The following CTNNA3 variants were observed in gnomAD, a reference collection of about 807,000 sequenced individuals.
The protein encoded by CTNNA3 is catenin alpha 3.
In CTNNA3, 76 loss-of-function variants were observed where a neutral mutation model predicts 95.7. The ratio of observed to expected loss-of-function variants is 0.79; its 90% CI spans 0.66 to 0.96. CTNNA3 has a LOEUF of 0.96. Among genes scored for constraint, CTNNA3 ranks in the 40% least tolerant of loss-of-function variants. The pLI is 0.00. For synonymous variants in CTNNA3, 431 were observed against 374.4 expected, an observed-to-expected ratio of 1.15 and a Z score of -1.74; for missense variants, 1,191 against 1,089.8, an observed-to-expected ratio of 1.09 and a Z score of -1.31.
At chr10:66,559,260 T>C (rs1842478988) in intron 10 of CTNNA3, among the ~76,000 whole-genome samples, 1 of 152,062 alleles carries the variant, frequency 6.6e-6, no homozygotes, top group South Asian at 2.1e-4. Flanking sequence ...TTAACACAAA[T>C]CTGGTCTTGC....
chr10:67,000,708 T>C (rs1182100851), intron 7 of CTNNA3, among the ~76,000 whole-genome samples: 2 of 152,170 alleles, frequency 1.3e-5, no homozygotes, highest in Non-Finnish European at 2.9e-5. Context: ...GAAATCTTGA[T>C]GTAAAGTCAA....
intron 7 of CTNNA3, chr10:67,015,262 T>G (rs1852587371): frequency 6.6e-6 from 1 of 152,184 alleles, no homozygotes; most frequent in African/African-American, 2.4e-5. Flanking sequence ...GCTGTTATTT[T>G]TTATCCATAG....
intron 15 of CTNNA3, among the ~76,000 whole-genome samples, chr10:66,011,124 A>G (rs1389156760): frequency 3.3e-5 from 5 of 152,124 alleles, no homozygotes; most frequent in African/African-American, 7.2e-5. Context: ...TTTGAAATGA[A>G]TGAAGTCTTA....
chr10:66,603,011 C>A (rs1843987372), intron 10 of CTNNA3, among the ~76,000 whole-genome samples: 3 of 152,050 alleles, frequency 2.0e-5, no homozygotes, highest in South Asian at 4.1e-4. Flanking sequence ...AACTCTAAGC[C>A]TTTTCACTAA....
At chr10:66,245,500 T>C (rs946635804) in intron 13 of CTNNA3, among the ~76,000 whole-genome samples, 9 of 152,106 alleles carry the variant, frequency 5.9e-5, no homozygotes, top group Non-Finnish European at 1.0e-4. Context: ...CAGGAGGAAA[T>C]GAGGTAGGCA....
intron 7 of CTNNA3, among the ~76,000 whole-genome samples, chr10:66,780,919 T>A (rs1041113540): frequency 6.6e-6 from 1 of 152,228 alleles, no homozygotes; most frequent in Non-Finnish European, 1.5e-5. Flanking sequence ...GAAAGGGCCA[T>A]GTTCTCTAAA....
At chr10:66,618,502 G>C (rs1482377736) in intron 10 of CTNNA3, among the ~76,000 whole-genome samples, 1 of 152,150 alleles carries the variant, frequency 6.6e-6, no homozygotes, top group Non-Finnish European at 1.5e-5. Flanking sequence ...AAACAGGCTA[G>C]CCATAGGTAG....
chr10:67,316,574 C>T (rs1480406623), intron 5 of CTNNA3, among the ~76,000 whole-genome samples: 1 of 152,104 alleles, frequency 6.6e-6, no homozygotes, highest in Non-Finnish European at 1.5e-5. Context: ...ACATTGATCT[C>T]ATCTCTTCAA....
intron 4 of CTNNA3, among the ~76,000 whole-genome samples, chr10:67,530,578 T>G (rs577072102): frequency 6.6e-6 from 1 of 152,354 alleles, no homozygotes; most frequent in Admixed American, 6.5e-5. Flanking sequence ...ACTTGGGTAC[T>G]GTTAAAGGCA....
chr10:67,579,764 T>C (rs1239498066), intron 3 of CTNNA3, among the ~76,000 whole-genome samples: 3 of 152,200 alleles, frequency 2.0e-5, no homozygotes, highest in East Asian at 3.9e-4. Context: ...TGTGAGATGG[T>C]ATCTCATTGT....
chr10:66,508,214 T>TG (rs1316794827), intron 11 of CTNNA3, among the ~76,000 whole-genome samples: 2 of 149,124 alleles, frequency 1.3e-5, no homozygotes, highest in African/African-American at 5.0e-5. Flanking sequence ...TTTTCTGTTT[T>TG]TTTTTTTTTT....
chr10:67,720,129 C>CTTTTTTTTTT (rs58074397), intron 1 of CTNNA3, among the ~76,000 whole-genome samples: 95 of 6,610 alleles, frequency 0.014, 40 homozygotes, highest in African/African-American at 0.048. Flanking sequence ...GCAACCCCTG[C>CTTTTTTTTTT]TTTTTTTTTT....
intron 7 of CTNNA3, among the ~76,000 whole-genome samples, chr10:67,075,119 A>G (rs1431722369): frequency 6.6e-6 from 1 of 151,886 alleles, no homozygotes; most frequent in Non-Finnish European, 1.5e-5. Flanking sequence ...ACTAAGGCTC[A>G]GAGAAGAGGG....
At chr10:66,358,590 G>A (rs573986441) in intron 12 of CTNNA3, among the ~76,000 whole-genome samples, 78 of 152,230 alleles carry the variant, frequency 5.1e-4, no homozygotes, top group African/African-American at 1.8e-3. Context: ...CACATAAACT[G>A]CCTGACCTAG....
chr10:66,030,019 A>C (rs1045420711), intron 15 of CTNNA3, among the ~76,000 whole-genome samples: 6 of 152,038 alleles, frequency 3.9e-5, no homozygotes, highest in Non-Finnish European at 8.8e-5. Context: ...CTATACAAGG[A>C]GGTGAAAGAT....
At chr10:67,189,204 G>A (rs1336608641) in intron 6 of CTNNA3, among the ~76,000 whole-genome samples, 1 of 151,522 alleles carries the variant, frequency 6.6e-6, no homozygotes, top group African/African-American at 2.4e-5. Context: ...AAGACATTAT[G>A]TTATGTGAAA....
intron 3 of CTNNA3, among the ~76,000 whole-genome samples, chr10:67,574,283 AT>A (rs1842071344): frequency 6.6e-6 from 1 of 152,108 alleles, no homozygotes; most frequent in African/African-American, 2.4e-5. Context: ...TGATTGATTT[AT>A]TTAAGGAATT....
intron 11 of CTNNA3, among the ~76,000 whole-genome samples, chr10:66,401,658 C>CTTTTTTTT (rs540003137): frequency 8.6e-6 from 1 of 116,302 alleles, no homozygotes; most frequent in African/African-American, 3.3e-5. Flanking sequence ...CCATTTCTTT[C>CTTTTTTTT]TTTTTTTTTT....
intron 5 of CTNNA3, among the ~76,000 whole-genome samples, chr10:67,419,760 C>A (rs1327371486): frequency 2.0e-5 from 3 of 152,186 alleles, no homozygotes; most frequent in Admixed American, 6.5e-5. Flanking sequence ...AAAATTTATT[C>A]TTTTGTAAAA....
Sources: gnomAD v4.1 joint callset for allele counts (sites outside exome capture counted in the v4.1 genomes callset) on GRCh38, gnomAD v4.1.1 for gene constraint, MANE v1.5 for transcripts, NCBI Gene and HGNC (gene_info 2026-07-23, HGNC 2026-07-21) for gene names.